The following AP5S1 variants were observed in gnomAD, a reference collection of about 807,000 sequenced individuals.
AP5S1 encodes the protein AP-5 complex subunit sigma-1.
AP5S1 carries 13 observed loss-of-function variants against 13.9 expected under a neutral mutation model. The observed-to-expected ratio is 0.94, with a 90% CI of 0.61 to 1.49. AP5S1 has a LOEUF of 1.49. Among genes scored for constraint, AP5S1 ranks in the 40% most tolerant of loss-of-function variants. The probability of loss-of-function intolerance (pLI) is 0.00; values close to 1 mark genes in which losing one functional copy is unlikely to be tolerated. For missense variants in AP5S1, 292 were observed against 272.3 expected (o/e 1.07, Z -0.51); for synonymous variants, 132 against 121.8 (o/e 1.08, Z -0.55).
Position 3,824,465 on chromosome 20 carries a change from G to A in AP5S1, c.*168G>A, listed in dbSNP as rs938535482. 4.3e-6 allele frequency: 3 copies of A among 694,658 alleles called. No individual in the cohort carries two copies. The highest frequency in any genetic ancestry group is 3.6e-5 in the African/African-American group (2 of 55,426). 43.0% of individuals were successfully genotyped at this position (694,658 alleles called of 1,614,324 possible). A position where few individuals can be genotyped will look rare whatever the true frequency, so the allele number is the denominator to read the frequency against. On this transcript the variant is annotated 3_prime_UTR_variant, in exon 3 of 3. Coordinates refer to ENST00000615891, the MANE Select transcript of AP5S1 (RefSeq NM_018347.3). ...CTGGGCAGAGGGTGGAGGAGGTCCT[G>A]CCTGTCCTCAGGTTAGTGGAACCAC...
Position 3,823,875 on chromosome 20 carries a change from G to T in AP5S1, c.181G>T (p.Val61Leu). 2 of 1,599,088 alleles carry T rather than the reference G, an allele frequency of 1.3e-6. No individual in the cohort carries two copies. The highest frequency in any genetic ancestry group is 1.7e-6 in the Non-Finnish European group (2 of 1,177,554). Residue 61 changes from valine to leucine, a missense_variant, in exon 3 of 3, where the codon GTA (valine) becomes TTA (leucine). By Grantham distance (32) the Val-to-Leu change is conservative. Transcript: ENST00000615891. ...KEQILAVARQ[V>L]ESMCRLQQQA... The stretch of plus-strand genomic sequence containing the variant: ...TGACCTGCCCACTCTCCCCAGGCAG[G>T]TAGAGTCAATGTGTCGGCTGCAGCA...
In AP5S1 at chr20:3,822,033, C is replaced by A. The variant is rs893759310; in HGVS notation, c.-16-69C>A. On this transcript the variant is annotated intron_variant, in intron 1 of 2. Coordinates refer to ENST00000615891, the MANE Select transcript of AP5S1 (RefSeq NM_018347.3). Reference sequence around the variant, plus strand: ...CACTCCCAGACACTGCCAGGTCAGCCCCTTCCTGTGGTCGCCTCTCCTGCT... The same window carrying A: ...CACTCCCAGACACTGCCAGGTCAGCACCTTCCTGTGGTCGCCTCTCCTGCT... The A allele has an allele frequency of 2.6e-6, 4 of 1,531,676 alleles. No homozygotes were observed. In the African/African-American group the frequency reaches 5.5e-5, roughly 21 times the overall value. The allele number at this position is 1,531,676 out of a possible 1,614,324, so 94.9% of individuals were successfully genotyped here.
rs1450685287 is a variant in AP5S1 at position 3,823,921 on chromosome 20, C to G, written c.227C>G (p.Pro76Arg). The change falls in exon 3 of 3, where the codon CCC becomes CGC. Residue 76 changes from proline to arginine, a missense_variant. Physicochemically the swap from Pro to Arg is moderately radical, Grantham distance 103. Transcript: ENST00000615891. ...CAGCAGCAGGCATCTGGCCGGCCCC[C>G]CATGGACCTGCAGCCGCAATCCTCA... Reference protein sequence around the residue: ...RLQQQASGRPPMDLQPQSSDE... With the variant: ...RLQQQASGRPRMDLQPQSSDE... 1.2e-6 allele frequency: 2 copies of G among 1,604,662 alleles called. No individual in the cohort carries two copies. Among genetic ancestry groups the G allele is most frequent in the South Asian group, 1.1e-5 (1 of 91,070 alleles).
chr20:3,823,937 G>A lies in AP5S1; in HGVS notation c.243G>A (p.Pro81=), dbSNP rs768409747. ...GCCGGCCCCCCATGGACCTGCAGCC[G>A]CAATCCTCAGATGAGCAAGTGCCGC... is the stretch of plus-strand genomic sequence containing the variant. ...ASGRPPMDLQ[P]QSSDEQVPLH... is the part of the protein sequence containing the mutation. The change falls in exon 3 of 3, where the codon CCG becomes CCA. Residue 81 remains proline, a synonymous_variant. Transcript: ENST00000615891. 36 of 1,606,158 alleles carry A rather than the reference G, an allele frequency of 2.2e-5. No individual in the cohort carries two copies. The highest frequency in any genetic ancestry group is 6.7e-5 in the East Asian group (3 of 44,890).
intron 2 of AP5S1, chr20:3,823,514 G>C (rs2089599626): frequency 1.0e-6 from 1 of 983,592 alleles, no homozygotes; most frequent in Non-Finnish European, 1.2e-6. Context: ...GCCTCCCAAA[G>C]TGCTGGGATT....
At chr20:3,823,625 C>G in intron 2 of AP5S1, 12 of 985,376 alleles carry the variant, frequency 1.2e-5, no homozygotes, top group Non-Finnish European at 1.3e-5. Flanking sequence ...TCCTCTGGTG[C>G]CCTTTTTCAG....
intron 2 of AP5S1, among the ~76,000 whole-genome samples, chr20:3,822,605 T>C (rs2089592479): frequency 6.6e-6 from 1 of 152,234 alleles, no homozygotes; most frequent in Non-Finnish European, 1.5e-5. Context: ...GAGGTAGGTA[T>C]AGTTATTATC....
rs886713730 is a variant in AP5S1, at chr20:3,825,127, A to G, written c.*830A>G. 1.3e-5 allele frequency: 2 copies of G among 152,262 alleles called. No homozygotes were observed. Among genetic ancestry groups the G allele is most frequent in the Non-Finnish European group, 2.9e-5 (2 of 68,074 alleles). The allele number at this position is 152,262 out of a possible 1,614,324, so 9.4% of individuals were successfully genotyped here. A position where few individuals can be genotyped will look rare whatever the true frequency, so the allele number is the denominator to read the frequency against. On this transcript the variant is annotated 3_prime_UTR_variant, in exon 3 of 3. Transcript: ENST00000615891. Reference sequence around the variant, plus strand: ...AGAAATGCATCTGCCAATCAGCAGCAGGATTCTGCAGCTCCTTTTGTGCCA... The same window carrying G: ...AGAAATGCATCTGCCAATCAGCAGCGGGATTCTGCAGCTCCTTTTGTGCCA...
Position 3,822,170 on chromosome 20 carries a change from C to CG in AP5S1, c.56dup (p.Leu20ProfsTer13), listed in dbSNP as rs1488093990. The CG allele has an allele frequency of 6.2e-7, 1 of 1,614,180 alleles. No individual in the cohort carries two copies. Among genetic ancestry groups the CG allele is most frequent in the Non-Finnish European group, 8.5e-7 (1 of 1,180,040 alleles). ...TTGAGGGCCCCGAATACTGAGGACA[C>CG]GGGCCTTTGCCGAGTGCTGTACTCC... On this transcript the variant is annotated frameshift_variant, in exon 2 of 3. Transcript: ENST00000615891. LOFTEE classifies it high-confidence loss of function.
At chr20:3,821,427 C>T (rs1420189870) in intron 1 of AP5S1, among the ~76,000 whole-genome samples, 2 of 151,994 alleles carry the variant, frequency 1.3e-5, no homozygotes, top group African/African-American at 2.4e-5. Flanking sequence ...GGCTGAAGTG[C>T]AGTGGTGCGA....
rs1285956475 is a variant in AP5S1 at position 3,828,811 on chromosome 20, G to T, written c.*4514G>T. 1.3e-5 allele frequency: 2 copies of T among 152,142 alleles called. No individual in the cohort carries two copies. Among genetic ancestry groups the T allele is most frequent in the Non-Finnish European group, 2.9e-5 (2 of 68,028 alleles). 9.4% of individuals were successfully genotyped at this position (152,142 alleles called of 1,614,324 possible). A position where few individuals can be genotyped will look rare whatever the true frequency, so the allele number is the denominator to read the frequency against. On this transcript the variant is annotated 3_prime_UTR_variant, in exon 3 of 3. Transcript: ENST00000615891. The stretch of plus-strand genomic sequence containing the variant: ...ACATCTTGGTTGCTTCCAAGTTTTG[G>T]CAATTATGAATACAACTGCTACAAA...
At chr20:3,823,028 T>C (rs182715842) in intron 2 of AP5S1, among the ~76,000 whole-genome samples, 1 of 152,204 alleles carries the variant, frequency 6.6e-6, no homozygotes, top group Non-Finnish European at 1.5e-5. Flanking sequence ...TTGTTCTTCT[T>C]ATTCTCCTTC....
In AP5S1 at chr20:3,822,168, C is replaced by T. The variant is rs765959077; in HGVS notation, c.51C>T (p.Asp17=). ...CCTTGAGGGCCCCGAATACTGAGGA[C>T]ACGGGCCTTTGCCGAGTGCTGTACT... ...IHTLRAPNTE[D]TGLCRVLYSC... The change falls in exon 2 of 3, where the codon GAC becomes GAT. Residue 17 remains aspartate, a synonymous_variant. Transcript: ENST00000615891. The T allele has an allele frequency of 1.9e-6, 3 of 1,614,188 alleles. No individual in the cohort carries two copies. Among genetic ancestry groups the T allele is most frequent in the East Asian group, 4.5e-5 (2 of 44,872 alleles).
In AP5S1 at chr20:3,824,503, G is replaced by T; in HGVS notation, c.*206G>T. ...TTAGTGGAACCACAGAACTTCCTGA[G>T]CCTAGAGCTGCTGTGTTACTTAGAC... On this transcript the variant is annotated 3_prime_UTR_variant, in exon 3 of 3. Transcript: ENST00000615891. 1 of 608,074 alleles carries T rather than the reference G, an allele frequency of 1.6e-6. No individual in the cohort carries two copies. Among genetic ancestry groups the T allele is most frequent in the Non-Finnish European group, 2.9e-6 (1 of 347,826 alleles). The allele number at this position is 608,074 out of a possible 1,614,324, so 37.7% of individuals were successfully genotyped here.
Position 3,825,338 on chromosome 20 carries a change from C to G in AP5S1, c.*1041C>G, listed in dbSNP as rs905765535. On this transcript the variant is annotated 3_prime_UTR_variant, in exon 3 of 3. Coordinates refer to ENST00000615891, the MANE Select transcript of AP5S1 (RefSeq NM_018347.3). The stretch of plus-strand genomic sequence containing the variant: ...GTGAGTTTGATGCGTGCATCCTGCT[C>G]CTATGAGTGAGTGCCTCTCTGGATG... 1.3e-5 allele frequency: 2 copies of G among 152,232 alleles called. No homozygotes were observed. The highest frequency in any genetic ancestry group is 4.8e-5 in the African/African-American group (2 of 41,436). 9.4% of individuals were successfully genotyped at this position (152,232 alleles called of 1,614,324 possible). A position where few individuals can be genotyped will look rare whatever the true frequency, so the allele number is the denominator to read the frequency against.
rs1253869034 is a variant in AP5S1, at chr20:3,826,132, C to T, written c.*1835C>T. ...AGCATCCAGGATGGACCCAACTACA[C>T]CCACTTTGGAGGCAGCACTGATGAT... On this transcript the variant is annotated 3_prime_UTR_variant, in exon 3 of 3. Transcript: ENST00000615891. 1 of 152,188 alleles carries T rather than the reference C, an allele frequency of 6.6e-6. No homozygotes were observed. The highest frequency in any genetic ancestry group is 1.5e-5 in the Non-Finnish European group (1 of 68,042). The allele number at this position is 152,188 out of a possible 1,614,324, so 9.4% of individuals were successfully genotyped here. A position where few individuals can be genotyped will look rare whatever the true frequency, so the allele number is the denominator to read the frequency against.
chr20:3,823,607 G>T, intron 2 of AP5S1: 1 of 985,382 alleles, frequency 1.0e-6, no homozygotes, highest in Non-Finnish European at 1.2e-6. Flanking sequence ...GTGAGGGCAG[G>T]ATCTTCTTCC....
chr20:3,822,047 G>A (rs945275387), intron 1 of AP5S1, 55 bp from the exon 2 acceptor site: 34 of 1,557,242 alleles, frequency 2.2e-5, no homozygotes, highest in South Asian at 5.9e-5. Context: ...TCCTGTGGTC[G>A]CCTCTCCTGC....
rs1301959699 is a variant in AP5S1, at chr20:3,824,399, A to C, written c.*102A>C. 32 of 1,199,804 alleles carry C rather than the reference A, an allele frequency of 2.7e-5. No homozygotes were observed. The highest frequency in any genetic ancestry group is 3.6e-5 in the Non-Finnish European group (31 of 858,102). 74.3% of individuals were successfully genotyped at this position (1,199,804 alleles called of 1,614,324 possible). On this transcript the variant is annotated 3_prime_UTR_variant, in exon 3 of 3. Transcript: ENST00000615891. ...TACCCAGCAGCTCTGATGTGCTGCT[A>C]TACCAGGACAAGTGGGTGACACAAG...
Sources: allele counts gnomAD v4.1 joint callset (sites outside exome capture counted in the v4.1 genomes callset), GRCh38; gene constraint gnomAD v4.1.1; transcripts MANE v1.5; gene names NCBI Gene and HGNC (gene_info 2026-07-23, HGNC 2026-07-21).